Variants in PREX2 observed in about 807,000 individuals in gnomAD.
PREX2 encodes phosphatidylinositol-3,4,5-trisphosphate dependent Rac exchange factor 2, also known as phosphatidylinositol 3,4,5-trisphosphate-dependent Rac exchanger 2 protein.
A neutral mutation model predicts 203.2 loss-of-function variants in PREX2; 107 were observed. The ratio of observed to expected loss-of-function variants is 0.53; its 90% CI spans 0.45 to 0.62. The LOEUF is 0.62. Ranked by LOEUF, PREX2 falls within the 20% of genes least tolerant of loss-of-function variation. The pLI is 0.00. For synonymous variants in PREX2, 672 were observed against 663.6 expected, an observed-to-expected ratio of 1.01 and a Z score of -0.19; for missense variants, 1,777 against 1,955.9, an observed-to-expected ratio of 0.91 and a Z score of 1.72.
At chr8:68,028,326 C>T (rs1263802077) in intron 5 of PREX2, among the ~76,000 whole-genome samples, 2 of 151,324 alleles carry the variant, frequency 1.3e-5, no homozygotes, top group Non-Finnish European at 2.9e-5. Flanking sequence ...AAGTATTAGC[C>T]ATTATTATTC....
intron 1 of PREX2, among the ~76,000 whole-genome samples, chr8:67,975,947 C>A (rs901461128): frequency 6.6e-6 from 1 of 151,164 alleles, no homozygotes; most frequent in Non-Finnish European, 1.5e-5. Flanking sequence ...AACTCCTGAC[C>A]TCAGGTGATC....
intron 1 of PREX2, among the ~76,000 whole-genome samples, chr8:68,015,465 G>T (rs1807385017): frequency 6.6e-6 from 1 of 152,104 alleles, no homozygotes; most frequent in Admixed American, 6.5e-5. Context: ...TAAAGACATG[G>T]TTTACTTTCT....
At chr8:68,052,581 T>C (rs1296827684) in intron 8 of PREX2, among the ~76,000 whole-genome samples, 2 of 152,224 alleles carry the variant, frequency 1.3e-5, no homozygotes, top group Non-Finnish European at 1.5e-5. Context: ...TATGTTTCCA[T>C]TTATTGCAAT....
At chr8:68,168,431 G>T (rs993621814) in intron 35 of PREX2, among the ~76,000 whole-genome samples, 4 of 152,266 alleles carry the variant, frequency 2.6e-5, no homozygotes, top group African/African-American at 9.6e-5. Context: ...TTAATTACAT[G>T]ATACCCTGTT....
chr8:68,056,962 C>T (rs1049708623), intron 10 of PREX2, among the ~76,000 whole-genome samples: 18 of 152,244 alleles, frequency 1.2e-4, no homozygotes, highest in African/African-American at 3.4e-4. Context: ...TTTTAACCAG[C>T]GATGGGAACA....
chr8:68,063,739 C>A (rs547024538), intron 11 of PREX2, among the ~76,000 whole-genome samples: 2 of 151,824 alleles, frequency 1.3e-5, no homozygotes, highest in South Asian at 4.2e-4. Context: ...TGATGGACAG[C>A]GTAAAAAGAC....
intron 31 of PREX2, among the ~76,000 whole-genome samples, chr8:68,128,525 A>G (rs1434995989): frequency 2.0e-5 from 3 of 152,100 alleles, no homozygotes; most frequent in African/African-American, 7.2e-5. Flanking sequence ...TGGGTTGGCT[A>G]GGCACAGGTG....
chr8:68,123,419 A>C (rs538525781), intron 30 of PREX2, among the ~76,000 whole-genome samples: 3 of 152,182 alleles, frequency 2.0e-5, no homozygotes, highest in East Asian at 1.9e-4. Flanking sequence ...GAGATACAAA[A>C]AACCATTTAA....
intron 11 of PREX2, among the ~76,000 whole-genome samples, chr8:68,062,049 C>T (rs1808871861): frequency 1.3e-5 from 2 of 152,068 alleles, no homozygotes; most frequent in African/African-American, 4.8e-5. Flanking sequence ...CCAGATATTT[C>T]CCATCTTTTC....
intron 37 of PREX2, among the ~76,000 whole-genome samples, chr8:68,193,790 TTA>T (rs1200633757): frequency 6.6e-6 from 1 of 152,140 alleles, no homozygotes; most frequent in Non-Finnish European, 1.5e-5. Context: ...ATGGATCAGG[TTA>T]TAGAGGCAGA....
At chr8:67,959,544 G>A (rs541404473) in intron 1 of PREX2, among the ~76,000 whole-genome samples, 1 of 152,230 alleles carries the variant, frequency 6.6e-6, no homozygotes, top group African/African-American at 2.4e-5. Flanking sequence ...GTGGCAGAAG[G>A]CAAATGGCAT....
chr8:68,109,039 C>A, intron 24 of PREX2: 1 of 448,310 alleles, frequency 2.2e-6, no homozygotes, highest in Non-Finnish European at 4.4e-6. Context: ...AGTAGCAGGG[C>A]CTGGGGTGGT....
At chr8:68,039,275 G>A (rs754400763) in intron 7 of PREX2, among the ~76,000 whole-genome samples, 1 of 152,072 alleles carries the variant, frequency 6.6e-6, no homozygotes, top group Non-Finnish European at 1.5e-5. Context: ...TCCATAAGAA[G>A]CACTACTGTG....
chr8:67,988,041 C>T (rs1806487462), intron 1 of PREX2, among the ~76,000 whole-genome samples: 2 of 152,108 alleles, frequency 1.3e-5, no homozygotes, highest in Non-Finnish European at 2.9e-5. Context: ...ATTTTTGTTC[C>T]CTCGCAAAAT....
At chr8:68,088,061 T>C (rs540103769) in intron 19 of PREX2, among the ~76,000 whole-genome samples, 3 of 152,354 alleles carry the variant, frequency 2.0e-5, no homozygotes, top group Admixed American at 1.3e-4. Flanking sequence ...CTTCAGTTTA[T>C]CCAAAGAATA....
intron 20 of PREX2, among the ~76,000 whole-genome samples, 153 bp downstream of exon 20, chr8:68,090,868 TG>T: frequency 6.6e-6 from 1 of 152,232 alleles, no homozygotes; most frequent in African/African-American, 2.4e-5. Flanking sequence ...TTGCTTTATC[TG>T]CATAATTAAT....
chr8:67,957,809 A>T (rs936617695), intron 1 of PREX2, among the ~76,000 whole-genome samples: 1 of 152,216 alleles, frequency 6.6e-6, no homozygotes, highest in African/African-American at 2.4e-5. Flanking sequence ...TTCCCTCCTC[A>T]GGAGTCATAT....
intron 6 of PREX2, among the ~76,000 whole-genome samples, chr8:68,037,064 G>A (rs774361132): frequency 1.1e-4 from 16 of 152,190 alleles, no homozygotes; most frequent in South Asian, 4.1e-4. Context: ...CGTTGTAGGT[G>A]TTAGTTGTCA....
chr8:67,969,523 A>G (rs549194645), intron 1 of PREX2, among the ~76,000 whole-genome samples: 1 of 152,314 alleles, frequency 6.6e-6, no homozygotes, highest in African/African-American at 2.4e-5. Flanking sequence ...TTATAACCCA[A>G]GGAGAGGTAG....
Sources: allele counts gnomAD v4.1 joint callset (sites outside exome capture counted in the v4.1 genomes callset), GRCh38; gene constraint gnomAD v4.1.1; transcripts MANE v1.5; gene names NCBI Gene and HGNC (gene_info 2026-07-23, HGNC 2026-07-21).